Variants in PRKAA2 observed in about 807,000 individuals in gnomAD.
PRKAA2 encodes protein kinase AMP-activated catalytic subunit alpha 2, also known as 5'-AMP-activated protein kinase catalytic subunit alpha-2.
PRKAA2 carries 40 observed loss-of-function variants against 56.3 expected under a neutral mutation model. That is an observed-to-expected ratio of 0.71 (90% CI 0.55 to 0.92). PRKAA2 has a LOEUF of 0.92. PRKAA2 is among the 40% of genes least tolerant of loss of function. PRKAA2 has a pLI of 0.00. For missense variants in PRKAA2, 542 were observed against 686.9 expected (o/e 0.79, Z 2.36); for synonymous variants, 214 against 234.2 (o/e 0.91, Z 0.79).
chr1:56,675,665 A>G (rs1167058660), intron 2 of PRKAA2, among the ~76,000 whole-genome samples: 3 of 152,138 alleles, frequency 2.0e-5, no homozygotes, highest in Admixed American at 1.3e-4. Context: ...TTTTTAATAT[A>G]CCATTACTTA....
intron 5 of PRKAA2, 86 bp downstream of exon 5, chr1:56,693,938 A>T (rs1019775876): frequency 1.2e-6 from 1 of 865,326 alleles, no homozygotes; most frequent in Admixed American, 2.5e-5. Flanking sequence ...ATGGAAGGTA[A>T]GATTTTAACA....
chr1:56,677,183 C>T (rs904928048), intron 2 of PRKAA2, among the ~76,000 whole-genome samples: 3 of 152,146 alleles, frequency 2.0e-5, no homozygotes, highest in Non-Finnish European at 2.9e-5. Context: ...TGGTATAATG[C>T]CTAGTGTTTG....
intron 1 of PRKAA2, among the ~76,000 whole-genome samples, chr1:56,654,337 TACC>T (rs534361867): frequency 6.9e-4 from 105 of 152,278 alleles, no homozygotes; most frequent in African/African-American, 2.5e-3. Flanking sequence ...GTAATAATAA[TACC>T]ACCCCATTTA....
At chr1:56,691,566 A>AT in intron 3 of PRKAA2, 79 bp downstream of exon 3, 1 of 1,151,422 alleles carries the variant, frequency 8.7e-7, no homozygotes, top group Non-Finnish European at 1.2e-6. Flanking sequence ...CAATGCAAAG[A>AT]TATCTTCAAG....
chr1:56,691,710 T>C (rs1198147070), intron 3 of PRKAA2, among the ~76,000 whole-genome samples: 1 of 152,240 alleles, frequency 6.6e-6, no homozygotes, highest in Non-Finnish European at 1.5e-5. Context: ...ATGATGCGTA[T>C]GCTTTTTAAA....
At chr1:56,698,313 T>C (rs917780383) in intron 6 of PRKAA2, among the ~76,000 whole-genome samples, 1 of 152,226 alleles carries the variant, frequency 6.6e-6, no homozygotes, top group African/African-American at 2.4e-5. Flanking sequence ...TTCTGCTTTA[T>C]GGCTTAACTT....
intron 6 of PRKAA2, among the ~76,000 whole-genome samples, chr1:56,696,938 G>A (rs575380539): frequency 8.1e-5 from 12 of 147,704 alleles, no homozygotes; most frequent in South Asian, 2.1e-4. Flanking sequence ...GATTTCATCC[G>A]TGTTTGTTTA....
intron 2 of PRKAA2, among the ~76,000 whole-genome samples, chr1:56,688,808 A>T (rs1410650797): frequency 6.6e-6 from 1 of 152,192 alleles, no homozygotes; most frequent in African/African-American, 2.4e-5. Context: ...ATCTTTATTT[A>T]ATGTCTGTCT....
intron 2 of PRKAA2, among the ~76,000 whole-genome samples, chr1:56,677,879 C>T (rs1429096917): frequency 6.6e-6 from 1 of 152,104 alleles, no homozygotes; most frequent in Non-Finnish European, 1.5e-5. Context: ...TGGTCTCGAC[C>T]TCCTAAGCTC....
chr1:56,709,102 A>G lies in PRKAA2; in HGVS notation c.*1389A>G, dbSNP rs1644352677. On this transcript the variant is annotated 3_prime_UTR_variant, in exon 9 of 9. Transcript: ENST00000371244. ...TTGTATTTATTCATTTGTTATTTTT[A>G]TGTTGTAATTAACACTTATTTACCT... 6.6e-6 allele frequency: 1 copy of G among 152,032 alleles called. No homozygotes were observed. Among genetic ancestry groups the G allele is most frequent in the Non-Finnish European group, 1.5e-5 (1 of 67,974 alleles). 9.4% of individuals were successfully genotyped at this position (152,032 alleles called of 1,614,324 possible). A position where few individuals can be genotyped will look rare whatever the true frequency, so the allele number is the denominator to read the frequency against.
intron 8 of PRKAA2, 85 bp downstream of exon 8, chr1:56,706,303 C>A: frequency 1.3e-6 from 2 of 1,499,402 alleles, no homozygotes; most frequent in Admixed American, 2.0e-5. Flanking sequence ...CGAAGACATC[C>A]GGTGGGTAGG....
chr1:56,667,842 G>A (rs1294172526), intron 1 of PRKAA2, among the ~76,000 whole-genome samples: 2 of 152,126 alleles, frequency 1.3e-5, no homozygotes, highest in African/African-American at 4.8e-5. Flanking sequence ...TAGACACCCT[G>A]AAGGATGATG....
chr1:56,678,285 C>T (rs568407308), intron 2 of PRKAA2, among the ~76,000 whole-genome samples: 1 of 152,172 alleles, frequency 6.6e-6, no homozygotes, highest in African/African-American at 2.4e-5. Flanking sequence ...TTATTGACAT[C>T]GTCTGTAACA....
chr1:56,685,315 G>T (rs1314367046), intron 2 of PRKAA2, among the ~76,000 whole-genome samples: 1 of 52,516 alleles, frequency 1.9e-5, no homozygotes, highest in Non-Finnish European at 3.5e-5. Context: ...CATTAATTCA[G>T]AATGAGAAGG....
chr1:56,657,163 TGC>T (rs1260095049), intron 1 of PRKAA2, among the ~76,000 whole-genome samples: 3 of 152,032 alleles, frequency 2.0e-5, no homozygotes, highest in African/African-American at 7.3e-5. Flanking sequence ...TATTTATCCT[TGC>T]AGAAATGGGA....
chr1:56,664,889 C>CACAT (rs150949283), intron 1 of PRKAA2, among the ~76,000 whole-genome samples: 8 of 139,478 alleles, frequency 5.7e-5, no homozygotes. Context: ...CACACACACA[C>CACAT]ACATATATAC....
chr1:56,670,305 C>A (rs1644065777), intron 1 of PRKAA2, among the ~76,000 whole-genome samples: 1 of 152,120 alleles, frequency 6.6e-6, no homozygotes, highest in African/African-American at 2.4e-5. Context: ...CAGTATTTTG[C>A]TGTCTTGTAA....
At chr1:56,677,810 C>T (rs1483599479) in intron 2 of PRKAA2, among the ~76,000 whole-genome samples, 1 of 152,032 alleles carries the variant, frequency 6.6e-6, no homozygotes, top group Non-Finnish European at 1.5e-5. Flanking sequence ...GCATGTGCCA[C>T]CACACCCTGC....
At chr1:56,693,676 T>A in intron 4 of PRKAA2, 89 bp from the exon 5 acceptor site, 1 of 814,968 alleles carries the variant, frequency 1.2e-6, no homozygotes. Flanking sequence ...ATATGGAGGA[T>A]CCAGGACTTG....
Sources: gnomAD v4.1 joint callset for allele counts (sites outside exome capture counted in the v4.1 genomes callset) on GRCh38, gnomAD v4.1.1 for gene constraint, MANE v1.5 for transcripts, NCBI Gene and HGNC (gene_info 2026-07-23, HGNC 2026-07-21) for gene names.